The following SLC24A2 variants were observed in gnomAD, a reference collection of about 807,000 sequenced individuals.
SLC24A2 encodes the protein solute carrier family 24 member 2, also known as sodium/potassium/calcium exchanger 2.
In SLC24A2, 36 loss-of-function variants were observed where a neutral mutation model predicts 62.0. That is an observed-to-expected ratio of 0.58 (90% CI 0.44 to 0.77). SLC24A2 has a LOEUF of 0.77. Among genes scored for constraint, SLC24A2 ranks in the 30% least tolerant of loss-of-function variants. SLC24A2 has a pLI of 0.00. For missense variants in SLC24A2, 846 were observed against 817.9 expected, an observed-to-expected ratio of 1.03 and a Z score of -0.42; for synonymous variants, 358 against 294.0, an observed-to-expected ratio of 1.22 and a Z score of -2.23.
chr9:19,624,777 C>T (rs1019629120), intron 2 of SLC24A2, among the ~76,000 whole-genome samples: 5 of 152,218 alleles, frequency 3.3e-5, no homozygotes, highest in Admixed American at 2.0e-4. Flanking sequence ...TTATGTAGCC[C>T]TGTTGCAAAA....
chr9:20,285,129 C>T, the SLC24A2 span, among the ~76,000 whole-genome samples: 2 of 152,200 alleles, frequency 1.3e-5, no homozygotes, highest in Non-Finnish European at 2.9e-5. Context: ...GAGGAAACCT[C>T]TTCCCAAGGA....
At chr9:20,151,945 C>T in the SLC24A2 span, among the ~76,000 whole-genome samples, 45 of 151,788 alleles carry the variant, frequency 3.0e-4, no homozygotes, top group African/African-American at 1.0e-3. Flanking sequence ...TATAACTGTT[C>T]TCGGAGTCTG....
the SLC24A2 span, among the ~76,000 whole-genome samples, chr9:19,913,462 A>G: frequency 0.42 from 64,399 of 151,846 alleles, 14,685 homozygotes; most frequent in Non-Finnish European, 0.52. Context: ...CTGTAAGGTG[A>G]TTTAGGGCTT....
chr9:20,268,861 G>A, the SLC24A2 span, among the ~76,000 whole-genome samples: 1 of 152,150 alleles, frequency 6.6e-6, no homozygotes, highest in Non-Finnish European at 1.5e-5. Context: ...TATGTGTGTG[G>A]AGGAACTACG....
the SLC24A2 span, among the ~76,000 whole-genome samples, chr9:20,251,325 A>G: frequency 1.4e-5 from 2 of 147,454 alleles, no homozygotes; most frequent in Non-Finnish European, 3.0e-5. Flanking sequence ...AAGCAGAATG[A>G]GTCTAGCAAA....
chr9:19,552,179 T>G (rs1203391135), intron 7 of SLC24A2, among the ~76,000 whole-genome samples: 1 of 152,220 alleles, frequency 6.6e-6, no homozygotes, highest in African/African-American at 2.4e-5. Context: ...GGCTCCCATC[T>G]TTGGTGGAAG....
At chr9:20,305,684 A>T in the SLC24A2 span, among the ~76,000 whole-genome samples, 201 of 152,342 alleles carry the variant, frequency 1.3e-3, 1 homozygote, top group African/African-American at 4.2e-3. Context: ...CTGCGAAGTC[A>T]ATAGCATTAT....
intron 7 of SLC24A2, among the ~76,000 whole-genome samples, chr9:19,553,040 G>A (rs1226040138): frequency 6.6e-6 from 1 of 152,166 alleles, no homozygotes; most frequent in Admixed American, 6.5e-5. Context: ...CCTCCTGGGG[G>A]CCAAGTCCTG....
intron 2 of SLC24A2, among the ~76,000 whole-genome samples, chr9:19,714,031 A>G (rs1032383090): frequency 6.6e-6 from 1 of 152,194 alleles, no homozygotes; most frequent in Non-Finnish European, 1.5e-5. Context: ...CTCAGTTCCT[A>G]AAAATCTCCG....
chr9:19,736,808 T>C (rs1368733947), intron 2 of SLC24A2, among the ~76,000 whole-genome samples: 2 of 152,198 alleles, frequency 1.3e-5, no homozygotes, highest in Non-Finnish European at 2.9e-5. Context: ...GCTATGATCA[T>C]GCCACTGTAC....
chr9:19,530,679 C>G (rs752419499), intron 8 of SLC24A2, among the ~76,000 whole-genome samples: 6 of 152,154 alleles, frequency 3.9e-5, no homozygotes, highest in Non-Finnish European at 1.5e-5. Flanking sequence ...GAAAACCTCT[C>G]TAAATCAATA....
chr9:19,748,192 C>G (rs945079842), intron 2 of SLC24A2, among the ~76,000 whole-genome samples: 45 of 152,182 alleles, frequency 3.0e-4, no homozygotes, highest in Non-Finnish European at 4.9e-4. Context: ...GGCAGGGGCT[C>G]ACACTCAGCT....
intron 9 of SLC24A2, among the ~76,000 whole-genome samples, chr9:19,524,533 G>T (rs576798577): frequency 2.0e-5 from 3 of 151,572 alleles, no homozygotes; most frequent in African/African-American, 7.2e-5. Flanking sequence ...TAAAAGTGTT[G>T]ATAACAAAAG....
At chr9:19,688,312 G>A (rs1409957648) in intron 2 of SLC24A2, among the ~76,000 whole-genome samples, 2 of 152,032 alleles carry the variant, frequency 1.3e-5, no homozygotes, top group Non-Finnish European at 2.9e-5. Context: ...CAGTTTCTTT[G>A]ATTGCAAAAT....
At chr9:20,071,563 C>T in the SLC24A2 span, among the ~76,000 whole-genome samples, 1 of 152,138 alleles carries the variant, frequency 6.6e-6, no homozygotes, top group African/African-American at 2.4e-5. Context: ...TTCTAATCCT[C>T]AGAATTTATA....
At chr9:19,979,656 T>C in the SLC24A2 span, among the ~76,000 whole-genome samples, 6 of 152,210 alleles carry the variant, frequency 3.9e-5, no homozygotes, top group African/African-American at 1.4e-4. Flanking sequence ...TCTTAGTTAC[T>C]AGCTGACTTT....
At chr9:20,105,125 A>T in the SLC24A2 span, among the ~76,000 whole-genome samples, 12 of 152,222 alleles carry the variant, frequency 7.9e-5, no homozygotes, top group African/African-American at 2.9e-4. Flanking sequence ...TGGTAAAGGG[A>T]TCAATTCAAC....
chr9:19,877,127 G>A, the SLC24A2 span, among the ~76,000 whole-genome samples: 2 of 151,616 alleles, frequency 1.3e-5, no homozygotes, highest in Non-Finnish European at 2.9e-5. Context: ...GCCTGAGACT[G>A]AGGGTGAGGG....
intron 5 of SLC24A2, among the ~76,000 whole-genome samples, chr9:19,586,330 T>G (rs1312787379): frequency 2.0e-5 from 3 of 152,180 alleles, no homozygotes; most frequent in African/African-American, 7.2e-5. Flanking sequence ...TCCTCACAAG[T>G]GTTTGTGAGT....
Sources: allele counts gnomAD v4.1 joint callset (sites outside exome capture counted in the v4.1 genomes callset), GRCh38; gene constraint gnomAD v4.1.1; transcripts MANE v1.5; gene names NCBI Gene and HGNC (gene_info 2026-07-23, HGNC 2026-07-21).